The following IDE variants were observed in gnomAD, a reference collection of about 807,000 sequenced individuals.
IDE encodes insulin degrading enzyme.
A neutral mutation model predicts 133.2 loss-of-function variants in IDE; 58 were observed. The observed-to-expected ratio is 0.44, with a 90% CI of 0.35 to 0.54. The LOEUF (loss-of-function observed/expected upper bound fraction) is 0.54. Among genes scored for constraint, IDE ranks in the 20% least tolerant of loss-of-function variants. The pLI, the probability that IDE is intolerant of heterozygous loss-of-function variation, is 0.00. For missense variants in IDE, 981 were observed against 1,234.0 expected (o/e 0.79, Z 3.07); for synonymous variants, 396 against 421.3 (o/e 0.94, Z 0.73).
In IDE at chr10:92,454,102, T is replaced by C. The variant is rs916767146; in HGVS notation, c.*342A>G. On this transcript the variant is annotated 3_prime_UTR_variant, in exon 25 of 25. Coordinates refer to ENST00000265986, the MANE Select transcript of IDE (RefSeq NM_004969.4). Reference sequence around the variant, plus strand: ...GAGGCTTTTAGAAAAGAGCTAACTTTTAACTTTCTTCGGACAAGTGACTAT... The same window carrying C: ...GAGGCTTTTAGAAAAGAGCTAACTTCTAACTTTCTTCGGACAAGTGACTAT... 5.9e-6 allele frequency: 1 copy of C among 169,888 alleles called. No homozygotes were observed. Among genetic ancestry groups the C allele is most frequent in the Non-Finnish European group, 1.3e-5 (1 of 78,736 alleles). 10.5% of individuals were successfully genotyped at this position (169,888 alleles called of 1,614,324 possible).
intron 1 of IDE, among the ~76,000 whole-genome samples, chr10:92,569,155 G>A (rs554011472): frequency 1.3e-5 from 2 of 152,212 alleles, no homozygotes; most frequent in Non-Finnish European, 2.9e-5. Context: ...AGAAAAGACA[G>A]AAAGGGCATC....
chr10:92,573,871 A>C, intron 1 of IDE, 51 bp downstream of exon 1: 2 of 1,296,702 alleles, frequency 1.5e-6, no homozygotes, highest in Non-Finnish European at 2.0e-6. Context: ...CCGAGCGCCA[A>C]ACCGCTGTGA....
At chr10:92,499,421 A>G (rs1847889468) in intron 11 of IDE, among the ~76,000 whole-genome samples, 2 of 151,632 alleles carry the variant, frequency 1.3e-5, no homozygotes, top group African/African-American at 4.8e-5. Context: ...CTAGGATTAT[A>G]GGCATGAGCC....
In IDE at chr10:92,470,295, GC is replaced by G; in HGVS notation, c.2166del (p.Leu723CysfsTer11). 1 of 1,606,050 alleles carries G rather than the reference GC, an allele frequency of 6.2e-7. No individual in the cohort carries two copies. The highest frequency in any genetic ancestry group is 8.5e-7 in the Non-Finnish European group (1 of 1,175,812). On this transcript the variant is annotated frameshift_variant, in exon 18 of 25. Coordinates refer to ENST00000265986, the MANE Select transcript of IDE (RefSeq NM_004969.4). LOFTEE classifies it high-confidence loss of function. ...CCATGGAGAAGGGCTTCAATGTGCA[GC>G]CGTGACAGGAGCTGAGGTATGAAGG... ...LKAFIPQLLSRLHIEALLHGN... is the reference protein window; with the variant it reads ...LKAFIPQLLSXLHIEALLHGN...
chr10:92,525,680 G>C (rs532681002), intron 4 of IDE, among the ~76,000 whole-genome samples: 1 of 146,780 alleles, frequency 6.8e-6, no homozygotes, highest in South Asian at 2.2e-4. Context: ...AATGAATTCA[G>C]TAAAGTTGCA....
intron 1 of IDE, among the ~76,000 whole-genome samples, chr10:92,538,269 C>T (rs1266003760): frequency 6.6e-6 from 1 of 152,180 alleles, no homozygotes; most frequent in Non-Finnish European, 1.5e-5. Context: ...TTAGCCCAAA[C>T]ACTGCTCAAA....
rs1003240390 is a variant in IDE, at chr10:92,473,221, C to T, written c.2116+1620G>A. Among the ~76,000 whole-genome samples, 8 of 152,020 alleles carry T rather than the reference C, an allele frequency of 5.3e-5. No homozygotes were observed. In the East Asian group the frequency reaches 1.5e-3, roughly 29 times the overall value. ...CTGGGATTACAGGTGTGAGCCACGGCACCCGGCCCAAAATTCTTTTTATTG... is the reference window on the plus strand; with the variant it reads ...CTGGGATTACAGGTGTGAGCCACGGTACCCGGCCCAAAATTCTTTTTATTG... On this transcript the variant is annotated intron_variant, in intron 17 of 24. Transcript: ENST00000265986.
chr10:92,530,218 C>T (rs1849842910), intron 4 of IDE, among the ~76,000 whole-genome samples: 1 of 150,444 alleles, frequency 6.6e-6, no homozygotes, highest in African/African-American at 2.4e-5. Context: ...AAGAGCCAGA[C>T]TCCGTCTCAA....
At chr10:92,472,731 T>C (rs1241999746) in intron 17 of IDE, among the ~76,000 whole-genome samples, 1 of 144,366 alleles carries the variant, frequency 6.9e-6, no homozygotes, top group Admixed American at 7.1e-5. Flanking sequence ...CTCTGCCTCC[T>C]GGGTTCAAGC....
At chr10:92,478,091 T>G (rs943984353) in intron 15 of IDE, among the ~76,000 whole-genome samples, 1 of 152,226 alleles carries the variant, frequency 6.6e-6, no homozygotes, top group African/African-American at 2.4e-5. Flanking sequence ...TAACTCGGAA[T>G]TGAGATATAA....
intron 21 of IDE, 103 bp from the exon 22 acceptor site, chr10:92,461,355 CCATA>C (rs1564591219): frequency 1.8e-6 from 1 of 541,768 alleles, no homozygotes; most frequent in Non-Finnish European, 3.3e-6. Flanking sequence ...TCTTAAGTAT[CCATA>C]TATATTTTTT....
chr10:92,572,112 C>T (rs373464390), intron 1 of IDE, among the ~76,000 whole-genome samples: 4 of 152,236 alleles, frequency 2.6e-5, no homozygotes, highest in Non-Finnish European at 4.4e-5. Context: ...GATGGTCGAC[C>T]GGACTTTATA....
chr10:92,485,336 G>A (rs1846924465), intron 13 of IDE, among the ~76,000 whole-genome samples: 1 of 151,948 alleles, frequency 6.6e-6, no homozygotes, highest in South Asian at 2.1e-4. Context: ...GGTCAGGCTG[G>A]TCTCGAACTC....
At position 92,489,538 on chromosome 10, in the gene IDE, T is replaced by A. The variant is rs548095284; in HGVS notation, c.1533+955A>T. On this transcript the variant is annotated intron_variant, in intron 12 of 24. Transcript: ENST00000265986. Reference sequence around the variant, plus strand: ...CGAGATTCCATCTCAAAAAAAAAAATAAAATTCCCATTCAGGGCAGGTTGG... The same window carrying A: ...CGAGATTCCATCTCAAAAAAAAAAAAAAAATTCCCATTCAGGGCAGGTTGG... 3.4e-4 allele frequency among the ~76,000 whole-genome samples: 51 copies of A among 151,204 alleles called. 2 individuals carry two copies. In the South Asian group the frequency reaches 5.0e-3, roughly 15 times the overall value.
At chr10:92,538,371 C>T (rs1842127014) in intron 1 of IDE, among the ~76,000 whole-genome samples, 1 of 152,190 alleles carries the variant, frequency 6.6e-6, no homozygotes, top group Admixed American at 6.5e-5. Flanking sequence ...TAGGGAACAA[C>T]CCCCAATGAG....
In IDE at chr10:92,537,371, T is replaced by C; in HGVS notation, c.278A>G (p.His93Arg). Residue 93 changes from histidine (H) to arginine (R), a missense_variant, in exon 2 of 25, where the codon CAC becomes CGC. By Grantham distance (29) the His-to-Arg change is conservative. Around this residue, in one of 2 missense-constraint regions of IDE, gnomAD observed 321 missense variants for 339.3 expected, o/e 0.95. Coordinates refer to ENST00000265986, the MANE Select transcript of IDE (RefSeq NM_004969.4). Reference sequence around the variant, plus strand: ...TTCACAATTTTCAATTGTACCTATGTGCACATCAAGTGCTGCTGATGACTT... The same window carrying C: ...TTCACAATTTTCAATTGTACCTATGCGCACATCAAGTGCTGCTGATGACTT... ...TDKSSAALDV[H>R]IGSLSDPPNI... The C allele has an allele frequency of 3.8e-6, 6 of 1,598,978 alleles. No homozygotes were observed. Among genetic ancestry groups the C allele is most frequent in the Non-Finnish European group, 5.1e-6 (6 of 1,175,382 alleles).
In IDE at chr10:92,524,413, T is replaced by A. The variant is rs11187052; in HGVS notation, c.661+7335A>T. Among the ~76,000 whole-genome samples the A allele has an allele frequency of 5.1e-5, 4 of 77,876 alleles. 1 individual carries two copies. Among genetic ancestry groups the A allele is most frequent in the African/African-American group, 9.9e-5 (2 of 20,274 alleles). 51.1% of individuals were successfully genotyped at this position (77,876 alleles called of 152,430 possible). A position where few individuals can be genotyped will look rare whatever the true frequency, so the allele number is the denominator to read the frequency against. On this transcript the variant is annotated intron_variant, in intron 4 of 24. Transcript: ENST00000265986. ...ATTTTATATAATATATAATATATAT[T>A]ATATTATATATAATATATTTTATAT...
At position 92,532,514 on chromosome 10, in the gene IDE, T is replaced by C. The variant is rs1849994954; in HGVS notation, c.492-597A>G. On this transcript the variant is annotated intron_variant, in intron 3 of 24. Coordinates refer to ENST00000265986, the MANE Select transcript of IDE (RefSeq NM_004969.4). ...TGACATAGTTTGACTAAGCCATGAT[T>C]ATGGGCGTTTATGAAATCATAAGAG... is the stretch of plus-strand genomic sequence containing the variant. 2.0e-5 allele frequency among the ~76,000 whole-genome samples: 3 copies of C among 152,184 alleles called. No individual in the cohort carries two copies. The South Asian group carries it at 6.2e-4, about 32-fold the overall frequency.
intron 1 of IDE, chr10:92,573,261 G>C: frequency 1.2e-6 from 1 of 835,020 alleles, no homozygotes; most frequent in South Asian, 5.5e-5. Context: ...GCAGTTGCTG[G>C]GAAATCAAGC....
Sources: gnomAD v4.1 joint callset for allele counts (sites outside exome capture counted in the v4.1 genomes callset) on GRCh38, gnomAD v4.1.1 for gene constraint, gnomAD v4.1.1 regional missense constraint, MANE v1.5 for transcripts, NCBI Gene and HGNC (gene_info 2026-07-23, HGNC 2026-07-21) for gene names.